Variants in VWF observed in about 807,000 individuals in gnomAD.
VWF encodes the protein von Willebrand factor.
In VWF, 176 loss-of-function variants were observed where a neutral mutation model predicts 308.6. That is an observed-to-expected ratio of 0.57 (90% CI 0.50 to 0.65). The LOEUF is 0.65. Ranked by LOEUF, VWF falls within the 30% of genes least tolerant of loss-of-function variation. The pLI, the probability that VWF is intolerant of heterozygous loss-of-function variation, is 0.00. For synonymous variants in VWF, 1,385 were observed against 1,443.4 expected, an observed-to-expected ratio of 0.96 and a Z score of 0.92; for missense variants, 3,146 against 3,648.2, an observed-to-expected ratio of 0.86 and a Z score of 3.55.
chr12:6,005,496 T>C (rs1943915494), intron 34 of VWF, among the ~76,000 whole-genome samples: 1 of 151,934 alleles, frequency 6.6e-6, no homozygotes, highest in African/African-American at 2.4e-5. Context: ...GGGAAGAAAA[T>C]AGACATCCAG....
At position 6,106,875 on chromosome 12, in the gene VWF, CAAAAAAAAAAAAAA is replaced by C. The variant is rs201177758; in HGVS notation, c.532+3485_532+3498del. On this transcript the variant is annotated intron_variant, in intron 5 of 51. Coordinates refer to ENST00000261405, the MANE Select transcript of VWF (RefSeq NM_000552.5). ...GGGCAACAAGAGTGAAACTCCGACT[CAAAAAAAAAAAAAA>C]AAAAAAAAAAGATAGTAAATTTTAT... Among the ~76,000 whole-genome samples the C allele has an allele frequency of 6.9e-3, 241 of 34,826 alleles. 5 individuals are homozygous for C. In the East Asian group the frequency reaches 0.11, roughly 16 times the overall value. The allele number at this position is 34,826 out of a possible 152,430, so 22.8% of individuals were successfully genotyped here. A position where few individuals can be genotyped will look rare whatever the true frequency, so the allele number is the denominator to read the frequency against.
chr12:6,018,418 T>C lies in VWF; in HGVS notation c.5000A>G (p.Gln1667Arg). 1 of 1,612,350 alleles carries C rather than the reference T, an allele frequency of 6.2e-7. No individual in the cohort carries two copies. Among genetic ancestry groups the C allele is most frequent in the South Asian group, 1.1e-5 (1 of 91,006 alleles). The change falls in exon 28 of 52, where the codon CAG becomes CGG. Residue 1667 changes from glutamine (Q) to arginine (R), a missense_variant. Gln to Arg is a conservative substitution (Grantham distance 43). Transcript: ENST00000261405. ...CAGCCCCTCTCCGGAGCAGCACCTC[T>C]GCAGCACCAGGTCAGGAGCCTCTCG... ...LPREAPDLVL[Q>R]RCCSGEGLQI...
At chr12:6,041,812 G>T (rs1248677693) in intron 18 of VWF, among the ~76,000 whole-genome samples, 2 of 152,116 alleles carry the variant, frequency 1.3e-5, no homozygotes, top group African/African-American at 4.8e-5. Flanking sequence ...ATTTTTATGA[G>T]AATTCATTTT....
At chr12:6,121,383 A>G (rs753359779) in intron 2 of VWF, 45 bp from the exon 3 acceptor site, 32 of 1,606,528 alleles carry the variant, frequency 2.0e-5, no homozygotes, top group South Asian at 3.3e-5. Flanking sequence ...TCAGGGCACA[A>G]CTGGGACCAT....
intron 7 of VWF, among the ~76,000 whole-genome samples, chr12:6,074,042 C>T (rs1342095046): frequency 6.6e-6 from 1 of 152,182 alleles, no homozygotes; most frequent in Non-Finnish European, 1.5e-5. Context: ...CTCCCCTTCA[C>T]CTAAAACCCT....
chr12:5,953,762 A>G, intron 47 of VWF, 168 bp from the exon 48 acceptor site: 1 of 660,870 alleles, frequency 1.5e-6, no homozygotes, highest in Non-Finnish European at 2.8e-6. Context: ...TCAGTCCCCT[A>G]GGTAGCATTC....
In VWF at chr12:6,018,804, C is replaced by T. The variant is rs748377348; in HGVS notation, c.4614G>A (p.Thr1538=). 1.1e-5 allele frequency: 18 copies of T among 1,613,794 alleles called. No homozygotes were observed. The highest frequency in any genetic ancestry group is 1.6e-4 in the Middle Eastern group (1 of 6,080). Residue 1538 remains threonine (T), a synonymous_variant, in exon 28 of 52, where the codon ACG becomes ACA. Coordinates refer to ENST00000261405, the MANE Select transcript of VWF (RefSeq NM_000552.5). ...TCACCATGTAGGAGTACTGCAGCAC[C>T]GTGACGTGGATGCTGTCCTGGCCCA... ...MDVGQDSIHV[T]VLQYSYMVTV... is the part of the protein sequence containing the mutation.
rs535628639 is a variant in VWF, at chr12:5,964,543, C to CCATT, written c.7887+2939_7887+2942dup. ...CATTTAGTGATCACCATTCAGAGAT[C>CCATT]CATTCATTGGGGTCCTGAGGCTTTT... On this transcript the variant is annotated intron_variant, in intron 47 of 51. Transcript: ENST00000261405. Among the ~76,000 whole-genome samples the CCATT allele has an allele frequency of 3.1e-3, 477 of 152,286 alleles. 2 individuals carry two copies. Among genetic ancestry groups the CCATT allele is most frequent in the Non-Finnish European group, 5.6e-3 (381 of 68,028 alleles).
intron 10 of VWF, among the ~76,000 whole-genome samples, chr12:6,069,824 A>G (rs1265621641): frequency 6.6e-6 from 1 of 152,254 alleles, no homozygotes; most frequent in Non-Finnish European, 1.5e-5. Flanking sequence ...TTTGAATTGA[A>G]GACCAGAGGA....
intron 34 of VWF, among the ~76,000 whole-genome samples, chr12:5,997,160 G>C (rs974663885): frequency 6.6e-6 from 1 of 152,132 alleles, no homozygotes; most frequent in African/African-American, 2.4e-5. Context: ...TGATGGGTCT[G>C]GAAGCACCAT....
At position 6,024,907 on chromosome 12, in the gene VWF, C is replaced by T. The variant is rs1203023099; in HGVS notation, c.3222+673G>A. ...GCGTGGTGGCAGGTGCCTGTAATCC[C>T]AGGTACTCGGGAGGTTGAGGCAGGA... On this transcript the variant is annotated intron_variant, in intron 24 of 51. Coordinates refer to ENST00000261405, the MANE Select transcript of VWF (RefSeq NM_000552.5). This position sits in a 1 kb window ranked among gnomAD's most constrained non-coding sequence, Gnocchi z 4.0. Among the ~76,000 whole-genome samples, 6 of 151,918 alleles carry T rather than the reference C, an allele frequency of 3.9e-5. No individual in the cohort carries two copies. The highest frequency in any genetic ancestry group is 6.6e-5 in the Admixed American group (1 of 15,262).
intron 47 of VWF, among the ~76,000 whole-genome samples, chr12:5,965,024 G>C (rs902545887): frequency 4.6e-5 from 7 of 152,208 alleles, no homozygotes; most frequent in African/African-American, 1.7e-4. Context: ...ACGATGGACA[G>C]GACTTGTTTG....
At chr12:6,022,185 A>C in intron 26 of VWF, 150 bp from the exon 27 acceptor site, 1 of 1,116,614 alleles carries the variant, frequency 9.0e-7, no homozygotes, top group Non-Finnish European at 1.3e-6. Flanking sequence ...CCCATCACTC[A>C]AGGAGCATCT....
chr12:6,016,744 G>T lies in VWF; in HGVS notation c.5170+10C>A. The T allele has an allele frequency of 6.2e-7, 1 of 1,614,122 alleles. No homozygotes were observed. The highest frequency in any genetic ancestry group is 8.5e-7 in the Non-Finnish European group (1 of 1,179,994). ...CGTCACCTGCTGCTTCAGGTGCCTC[G>T]CTCACCCACCTATATTGGCTTTTGA... On this transcript the variant is annotated intron_variant, in intron 29 of 51. Transcript: ENST00000261405.
In VWF at chr12:5,994,601, C is replaced by T; in HGVS notation, c.6070G>A (p.Val2024Met). 6.2e-7 allele frequency: 1 copy of T among 1,613,966 alleles called. No individual in the cohort carries two copies. The highest frequency in any genetic ancestry group is 1.1e-5 in the South Asian group (1 of 91,076). Residue 2024 changes from valine to methionine, a missense_variant, in exon 36 of 52, where the codon GTG becomes ATG. Val to Met is a conservative substitution (Grantham distance 21). Coordinates refer to ENST00000261405, the MANE Select transcript of VWF (RefSeq NM_000552.5). ...GGAACAGAGACCAGTCTCCCATTCA[C>T]CGTCACCTGCACAAAGAAGAAAGAG... is the stretch of plus-strand genomic sequence containing the variant. ...VELHSDMEVTVNGRLVSVPYV... is the reference protein window; with the variant it reads ...VELHSDMEVTMNGRLVSVPYV...
chr12:6,117,101 T>C (rs1293832929), intron 3 of VWF, among the ~76,000 whole-genome samples: 2 of 152,188 alleles, frequency 1.3e-5, no homozygotes, highest in Non-Finnish European at 2.9e-5. Flanking sequence ...TCTATGATGT[T>C]AGCAGCACGG....
At chr12:6,014,915 C>T (rs1944039686) in intron 31 of VWF, among the ~76,000 whole-genome samples, 1 of 152,210 alleles carries the variant, frequency 6.6e-6, no homozygotes, top group Non-Finnish European at 1.5e-5. Context: ...AAGACCACAA[C>T]TGCTTTCTTT....
chr12:6,029,942 C>A (rs537941636), intron 21 of VWF, among the ~76,000 whole-genome samples: 2 of 152,276 alleles, frequency 1.3e-5, no homozygotes, highest in Non-Finnish European at 2.9e-5. Context: ...CCTCCCCCTC[C>A]CCAGAGCCAC....
intron 3 of VWF, among the ~76,000 whole-genome samples, chr12:6,118,376 C>G (rs370708171): frequency 1.5e-5 from 1 of 65,486 alleles, no homozygotes; most frequent in Non-Finnish European, 3.1e-5. Flanking sequence ...CCTCTGGTCA[C>G]TTTTTTTTTT....
Sources: gnomAD v4.1 joint callset for allele counts (sites outside exome capture counted in the v4.1 genomes callset) on GRCh38, gnomAD v4.1.1 for gene constraint, Gnocchi (gnomAD v3.1) non-coding constraint, MANE v1.5 for transcripts, NCBI Gene and HGNC (gene_info 2026-07-23, HGNC 2026-07-21) for gene names.